Variants in RPRD1A observed in about 807,000 individuals in gnomAD.
RPRD1A encodes the protein regulation of nuclear pre-mRNA domain containing 1A.
Under a neutral mutation model 37.8 loss-of-function variants are expected in RPRD1A, and 9 were observed. That is an observed-to-expected ratio of 0.24 (90% CI 0.14 to 0.42). The LOEUF is 0.42. RPRD1A is among the 10% of genes least tolerant of loss of function. The probability of loss-of-function intolerance (pLI) is 1.00; values close to 1 mark genes in which losing one functional copy is unlikely to be tolerated. For synonymous variants in RPRD1A, 138 were observed against 139.7 expected (o/e 0.99, Z 0.08); for missense variants, 255 against 371.0 (o/e 0.69, Z 2.57).
At chr18:36,058,838 A>C (rs1468934580) in intron 1 of RPRD1A, among the ~76,000 whole-genome samples, 1 of 152,194 alleles carries the variant, frequency 6.6e-6, no homozygotes, top group African/African-American at 2.4e-5. Context: ...ATTCTCTCAC[A>C]AGCGTACAGT....
intron 1 of RPRD1A, among the ~76,000 whole-genome samples, chr18:36,063,760 A>G (rs2088961446): frequency 6.6e-6 from 1 of 152,204 alleles, no homozygotes; most frequent in African/African-American, 2.4e-5. Context: ...ACTGCAGGAA[A>G]GGGGAAGGAC....
intron 6 of RPRD1A, among the ~76,000 whole-genome samples, chr18:36,017,459 A>C (rs779612225): frequency 7.2e-5 from 11 of 152,154 alleles, no homozygotes; most frequent in South Asian, 4.1e-4. Flanking sequence ...GACACTGCCA[A>C]CACCACCACT....
At position 35,990,214 on chromosome 18, in the gene RPRD1A, C is replaced by G. The variant is rs1908642427; in HGVS notation, c.*2937G>C. On this transcript the variant is annotated 3_prime_UTR_variant, in exon 7 of 7. Transcript: ENST00000399022. ...TTCAGAAAGGACATTCTAACTTTCCCAATTAGTTAATTTGTACTGTTGAGT... is the reference window on the plus strand; with the variant it reads ...TTCAGAAAGGACATTCTAACTTTCCGAATTAGTTAATTTGTACTGTTGAGT... 6.6e-6 allele frequency: 1 copy of G among 152,026 alleles called. No individual in the cohort carries two copies. Among genetic ancestry groups the G allele is most frequent in the African/African-American group, 2.4e-5 (1 of 41,396 alleles). The allele number at this position is 152,026 out of a possible 1,614,324, so 9.4% of individuals were successfully genotyped here.
At chr18:36,058,535 A>T (rs1339082790) in intron 1 of RPRD1A, among the ~76,000 whole-genome samples, 3 of 152,190 alleles carry the variant, frequency 2.0e-5, no homozygotes, top group African/African-American at 7.2e-5. Flanking sequence ...TTTTTAAAAA[A>T]CCTTAACGTC....
chr18:36,057,313 A>C (rs906080280), intron 1 of RPRD1A, among the ~76,000 whole-genome samples: 1 of 151,766 alleles, frequency 6.6e-6, no homozygotes, highest in Non-Finnish European at 1.5e-5. Context: ...ATAAAACACT[A>C]AACGTTTATC....
intron 6 of RPRD1A, among the ~76,000 whole-genome samples, chr18:36,005,854 T>C (rs1909716582): frequency 6.6e-6 from 1 of 152,224 alleles, no homozygotes; most frequent in African/African-American, 2.4e-5. Flanking sequence ...CTGTGTTTTT[T>C]TCTTTTTTTT....
rs752379681 is a variant in RPRD1A, at chr18:35,993,176, G to A, written c.914C>T (p.Ala305Val). 23 of 1,613,866 alleles carry A rather than the reference G, an allele frequency of 1.4e-5. 1 individual carries two copies. In the South Asian group the frequency reaches 1.8e-4, roughly 12 times the overall value. The change falls in exon 7 of 7, where the codon GCG becomes GTG. Residue 305 changes from alanine (A) to valine (V), a missense_variant. Around this residue, in one of 2 missense-constraint regions of RPRD1A, gnomAD observed 211 missense variants for 268.9 expected, o/e 0.78. Coordinates refer to ENST00000399022, the MANE Select transcript of RPRD1A (RefSeq NM_018170.5). ...TCAATCTTCACTGTAGATGTCTCCC[G>A]CAAAGGGCAGGTGCATGTGGCTGCC... ...VTGSHMHLPFAGDIYSED is the reference protein window; with the variant it reads ...VTGSHMHLPFVGDIYSED
intron 1 of RPRD1A, among the ~76,000 whole-genome samples, chr18:36,050,711 ATT>A (rs143538995): frequency 2.8e-5 from 4 of 143,236 alleles, no homozygotes; most frequent in Admixed American, 7.0e-5. Flanking sequence ...TAATTTTTGT[ATT>A]TTTTTTTTTT....
chr18:35,995,263 T>G (rs1478395571), intron 6 of RPRD1A, among the ~76,000 whole-genome samples: 3 of 113,422 alleles, frequency 2.6e-5, no homozygotes, highest in Admixed American at 8.1e-5. Flanking sequence ...TTTTTTTCGT[T>G]TTTTTTTTTT....
At chr18:36,064,968 A>T (rs2088997643) in intron 1 of RPRD1A, among the ~76,000 whole-genome samples, 1 of 151,924 alleles carries the variant, frequency 6.6e-6, no homozygotes, top group Non-Finnish European at 1.5e-5. Flanking sequence ...TGCCTTTAAG[A>T]GCTGTAACAC....
chr18:35,993,029 C>T lies in RPRD1A; in HGVS notation c.*122G>A, dbSNP rs560719366. The stretch of plus-strand genomic sequence containing the variant: ...ACATTTTAAACAATTTTATAAATTA[C>T]TCGTTGTTCCTTTTGTTAGTGTTTC... On this transcript the variant is annotated 3_prime_UTR_variant, in exon 7 of 7. Transcript: ENST00000399022. 13 of 769,454 alleles carry T rather than the reference C, an allele frequency of 1.7e-5. No individual in the cohort carries two copies. The East Asian group carries it at 3.3e-4, about 19-fold the overall frequency. 47.7% of individuals were successfully genotyped at this position (769,454 alleles called of 1,614,324 possible). A position where few individuals can be genotyped will look rare whatever the true frequency, so the allele number is the denominator to read the frequency against.
intron 1 of RPRD1A, among the ~76,000 whole-genome samples, chr18:36,044,030 T>C (rs925685708): frequency 6.6e-6 from 1 of 152,194 alleles, no homozygotes; most frequent in Non-Finnish European, 1.5e-5. Context: ...TAAAGTAAGC[T>C]AGAGAAAAGA....
chr18:36,016,427 T>G (rs1910580121), intron 6 of RPRD1A, among the ~76,000 whole-genome samples: 1 of 152,158 alleles, frequency 6.6e-6, no homozygotes, highest in African/African-American at 2.4e-5. Context: ...TTCTCCATGT[T>G]GGTCAGGCTG....
intron 6 of RPRD1A, among the ~76,000 whole-genome samples, chr18:35,998,689 C>T (rs1909239852): frequency 2.0e-5 from 3 of 152,176 alleles, no homozygotes. Context: ...CAAAATTTTG[C>T]CCATCTGTCA....
intron 1 of RPRD1A, chr18:36,064,118 C>CCTCCTCGGCCTCGGCGT (rs1487538573): frequency 6.6e-6 from 1 of 152,314 alleles, no homozygotes; most frequent in African/African-American, 2.4e-5. Context: ...GCTCTCGGCG[C>CCTCCTCGGCCTCGGCGT]CTCCTCGGCC....
intron 6 of RPRD1A, among the ~76,000 whole-genome samples, chr18:36,008,403 TCTC>T (rs1303427496): frequency 6.6e-6 from 1 of 150,910 alleles, no homozygotes; most frequent in East Asian, 2.0e-4. Context: ...CACAACAAGA[TCTC>T]CTCTACAGAA....
rs1908797712 is a variant in RPRD1A at position 35,992,952 on chromosome 18, CTT to C, written c.*197_*198del. The C allele has an allele frequency of 4.8e-6, 2 of 415,002 alleles. No individual in the cohort carries two copies. Among genetic ancestry groups the C allele is most frequent in the East Asian group, 7.6e-5 (2 of 26,282 alleles). 25.7% of individuals were successfully genotyped at this position (415,002 alleles called of 1,614,324 possible). On this transcript the variant is annotated 3_prime_UTR_variant, in exon 7 of 7. Coordinates refer to ENST00000399022, the MANE Select transcript of RPRD1A (RefSeq NM_018170.5). ...GCTTATTAATACACACAAATCATCA[CTT>C]TGTTCAAATTAAGTCATGTTAATTT...
chr18:36,039,887 C>T (rs897562828), intron 1 of RPRD1A, among the ~76,000 whole-genome samples: 2 of 139,624 alleles, frequency 1.4e-5, no homozygotes, highest in Non-Finnish European at 3.1e-5. Context: ...TATACACACA[C>T]ACAAACAGAA....
chr18:36,050,861 T>C (rs1269815133), intron 1 of RPRD1A, among the ~76,000 whole-genome samples: 2 of 150,796 alleles, frequency 1.3e-5, no homozygotes, highest in Non-Finnish European at 3.0e-5. Flanking sequence ...TTCTTTTCTT[T>C]TCTTTTCTTT....
Sources: allele counts gnomAD v4.1 joint callset (sites outside exome capture counted in the v4.1 genomes callset), GRCh38; gene constraint gnomAD v4.1.1; regional missense constraint gnomAD v4.1.1; transcripts MANE v1.5; gene names NCBI Gene and HGNC (gene_info 2026-07-23, HGNC 2026-07-21).